CTNNA3: variants seen among roughly 807,000 people sequenced by gnomAD.
CTNNA3 encodes the protein catenin alpha 3.
In CTNNA3, 76 loss-of-function variants were observed where a neutral mutation model predicts 95.7. The ratio of observed to expected loss-of-function variants is 0.79; its 90% confidence interval spans 0.66 to 0.96. The LOEUF (loss-of-function observed/expected upper bound fraction) is 0.96, where lower values mean the gene tolerates loss of function less well. Ranked by LOEUF, CTNNA3 falls within the 40% of genes least tolerant of loss-of-function variation. The pLI is 0.00. For missense variants in CTNNA3, 1,191 were observed against 1,089.8 expected, an observed-to-expected ratio of 1.09 and a Z score of -1.31; for synonymous variants, 431 against 374.4, an observed-to-expected ratio of 1.15 and a Z score of -1.74.
At chr10:66,361,674 A>T (rs1405201675) in intron 12 of CTNNA3, among the ~76,000 whole-genome samples, 5 of 151,558 alleles carry the variant, frequency 3.3e-5, no homozygotes, top group Non-Finnish European at 7.4e-5. Context: ...AGTAGCTGTG[A>T]CTATAGGGGT....
intron 7 of CTNNA3, among the ~76,000 whole-genome samples, chr10:67,013,547 G>A (rs1589603253): frequency 6.6e-6 from 1 of 152,236 alleles, no homozygotes; most frequent in East Asian, 1.9e-4. Context: ...ACTATACCAT[G>A]ACCTCGGCAA....
chr10:66,957,363 A>G (rs1413980326), intron 7 of CTNNA3, among the ~76,000 whole-genome samples: 2 of 147,390 alleles, frequency 1.4e-5, no homozygotes, highest in Non-Finnish European at 3.0e-5. Flanking sequence ...TAGAAGAAAT[A>G]TATCCAGAAT....
intron 7 of CTNNA3, among the ~76,000 whole-genome samples, chr10:67,083,833 C>T (rs529367335): frequency 2.7e-4 from 41 of 152,072 alleles, no homozygotes; most frequent in Non-Finnish European, 5.4e-4. Flanking sequence ...GTCTGATTTA[C>T]TTGCAAAAGC....
chr10:67,396,149 T>C (rs4443965), intron 5 of CTNNA3, among the ~76,000 whole-genome samples: 6,220 of 152,034 alleles, frequency 0.041, 182 homozygotes, highest in South Asian at 0.1. Context: ...TGAAAGCAAA[T>C]AACAACATCA....
At chr10:66,257,086 C>T (rs1235576525) in intron 13 of CTNNA3, among the ~76,000 whole-genome samples, 4 of 152,164 alleles carry the variant, frequency 2.6e-5, no homozygotes, top group Non-Finnish European at 5.9e-5. Context: ...AGGGCAATGC[C>T]AAGGACAAGC....
intron 11 of CTNNA3, among the ~76,000 whole-genome samples, chr10:66,495,858 G>A (rs755116452): frequency 4.6e-5 from 7 of 151,984 alleles, no homozygotes; most frequent in Non-Finnish European, 2.9e-5. Flanking sequence ...GTTTCACCAT[G>A]TGTTGGCCAG....
intron 7 of CTNNA3, among the ~76,000 whole-genome samples, chr10:67,064,949 A>G (rs545276364): frequency 2.0e-5 from 3 of 152,322 alleles, no homozygotes; most frequent in Admixed American, 1.3e-4. Flanking sequence ...AAGAAAATGC[A>G]TGTAACTGCC....
chr10:66,554,076 T>C (rs944877593), intron 10 of CTNNA3, among the ~76,000 whole-genome samples: 2 of 152,130 alleles, frequency 1.3e-5, no homozygotes, highest in African/African-American at 2.4e-5. Context: ...CAATTTTCCT[T>C]TGTGCTTGTC....
At chr10:67,305,117 A>T (rs1840487134) in intron 5 of CTNNA3, among the ~76,000 whole-genome samples, 2 of 152,152 alleles carry the variant, frequency 1.3e-5, no homozygotes, top group Admixed American at 6.5e-5. Context: ...TCTACTAAAA[A>T]TACAAAAAAT....
chr10:66,822,876 T>A (rs1842350135), intron 7 of CTNNA3, among the ~76,000 whole-genome samples: 1 of 152,188 alleles, frequency 6.6e-6, no homozygotes, highest in Non-Finnish European at 1.5e-5. Context: ...TACATTTTTT[T>A]AGGTGTAAGA....
chr10:66,385,715 C>T (rs2092884622), intron 11 of CTNNA3, among the ~76,000 whole-genome samples: 5 of 152,094 alleles, frequency 3.3e-5, no homozygotes, highest in Admixed American at 3.3e-4. Flanking sequence ...AAACTGAATC[C>T]AGCAGCACAT....
Position 67,211,213 on chromosome 10 carries a change from G to T in CTNNA3, c.843+8394C>A, listed in dbSNP as rs184951450. Among the ~76,000 whole-genome samples, 566 of 150,962 alleles carry T rather than the reference G, an allele frequency of 3.7e-3. 2 individuals are homozygous for T. The highest frequency in any genetic ancestry group is 0.019 in the South Asian group (89 of 4,750). On this transcript the variant is annotated intron_variant, in intron 6 of 17. Coordinates refer to ENST00000433211, the MANE Select transcript of CTNNA3 (RefSeq NM_013266.4). ...GACTCATGATACAAACATTTTATAA[G>T]AATTTGTTTTTAAAAACTTGCTGTG...
intron 13 of CTNNA3, among the ~76,000 whole-genome samples, chr10:66,144,391 A>C (rs958074403): frequency 6.6e-5 from 10 of 152,172 alleles, no homozygotes; most frequent in African/African-American, 2.4e-4. Flanking sequence ...AACATTACTA[A>C]ATTCTGAAAA....
At chr10:66,726,479 C>T (rs1848785463) in intron 9 of CTNNA3, among the ~76,000 whole-genome samples, 1 of 152,040 alleles carries the variant, frequency 6.6e-6, no homozygotes, top group Non-Finnish European at 1.5e-5. Flanking sequence ...TCTCATGTTA[C>T]AGTTGGCTAG....
intron 17 of CTNNA3, among the ~76,000 whole-genome samples, chr10:65,966,026 A>G (rs888257720): frequency 6.6e-6 from 1 of 152,188 alleles, no homozygotes. Flanking sequence ...AAAGATGAGT[A>G]GAAAAGGTAT....
At chr10:67,483,788 C>CA (rs1014896049) in intron 5 of CTNNA3, among the ~76,000 whole-genome samples, 2,443 of 129,424 alleles carry the variant, frequency 0.019, 31 homozygotes, top group South Asian at 0.043. Context: ...AAAAAAAAAA[C>CA]AAAAAAAAAA....
chr10:66,329,679 A>G (rs1360758770), intron 12 of CTNNA3, among the ~76,000 whole-genome samples: 2 of 152,122 alleles, frequency 1.3e-5, no homozygotes, highest in Admixed American at 1.3e-4. Flanking sequence ...AATGTGCATC[A>G]CACATAGCTG....
intron 11 of CTNNA3, among the ~76,000 whole-genome samples, chr10:66,500,929 T>C (rs114411727): frequency 0.01 from 1,585 of 152,264 alleles, 29 homozygotes; most frequent in African/African-American, 0.037. Context: ...AAATATATCA[T>C]TTTTTCTGGT....
At position 66,700,070 on chromosome 10, in the gene CTNNA3, T is replaced by G. The variant is rs141800859; in HGVS notation, c.1281+66194A>C. Among the ~76,000 whole-genome samples, 300 of 152,304 alleles carry G rather than the reference T, an allele frequency of 2.0e-3. 4 individuals carry two copies. Among genetic ancestry groups the G allele is most frequent in the African/African-American group, 6.3e-3 (263 of 41,566 alleles). ...ATTATTAACTCCTTGTCAGATAGTT[T>G]GCAAACATTTTTTCCAACCTATAGT... On this transcript the variant is annotated intron_variant, in intron 9 of 17. Coordinates refer to ENST00000433211, the MANE Select transcript of CTNNA3 (RefSeq NM_013266.4).
Sources: allele counts gnomAD v4.1 joint callset (sites outside exome capture counted in the v4.1 genomes callset), GRCh38; gene constraint gnomAD v4.1.1; transcripts MANE v1.5; gene names NCBI Gene and HGNC (gene_info 2026-07-23, HGNC 2026-07-21).